The following PCDH11Y variants were observed in gnomAD, a reference collection of about 807,000 sequenced individuals.
PCDH11Y encodes protocadherin 11 Y-linked, also known as protocadherin-11 Y-linked.
For synonymous variants in PCDH11Y, 9 were observed against 83.6 expected (o/e 0.11, Z 4.87); for missense variants, 12 against 224.8 (o/e 0.05, Z 6.05).
At chrY:5,201,675 T>C in intron 2 of PCDH11Y, among the ~76,000 whole-genome samples, 1 of 33,692 alleles carries the variant, frequency 3.0e-5, no homozygotes. Context: ...TCTATTTAGA[T>C]ATAAGTTGCA....
intron 2 of PCDH11Y, among the ~76,000 whole-genome samples, chrY:5,350,160 G>T (rs1209853095): frequency 3.0e-5 from 1 of 32,916 alleles, no homozygotes; most frequent in Non-Finnish European, 7.5e-5. Context: ...ATAAATGTTT[G>T]CCCTTTTAAG....
At chrY:5,368,959 C>T (rs34035825) in intron 2 of PCDH11Y, among the ~76,000 whole-genome samples, 2 of 32,865 alleles carry the variant, frequency 6.1e-5, no homozygotes, top group Non-Finnish European at 1.5e-4. Context: ...TTTTTTTAGA[C>T]GATTTCTTCC....
At chrY:5,620,238 G>T in intron 4 of PCDH11Y, among the ~76,000 whole-genome samples, 1 of 30,893 alleles carries the variant, frequency 3.2e-5, no homozygotes, top group Non-Finnish European at 7.8e-5. Flanking sequence ...TGATCCCACA[G>T]AAATAAAAAC....
chrY:5,741,328 C>A (rs1602966389), exon 5 of PCDH11Y: 3 of 30,295 alleles, frequency 9.9e-5, no homozygotes, highest in Non-Finnish European at 2.4e-4. Context: ...GTCACACACA[C>A]AAAAAAATCC....
chrY:5,199,899 A>G (rs867204303), intron 2 of PCDH11Y, among the ~76,000 whole-genome samples: 2,402 of 33,577 alleles, frequency 0.072, no homozygotes, highest in Non-Finnish European at 0.11. Flanking sequence ...CACATGGATC[A>G]GGAGTTCAGT....
chrY:5,551,851 A>G, intron 3 of PCDH11Y, among the ~76,000 whole-genome samples: 1 of 33,106 alleles, frequency 3.0e-5, no homozygotes, highest in African/African-American at 1.2e-4. Flanking sequence ...TTCAGTCACC[A>G]TTGGATCTAC....
chrY:5,708,144 T>C (rs2053584214), intron 4 of PCDH11Y, among the ~76,000 whole-genome samples: 1 of 32,992 alleles, frequency 3.0e-5, no homozygotes, highest in African/African-American at 1.2e-4. Context: ...GAAAAGTATG[T>C]CTGGTTAAAA....
chrY:5,042,227 G>GT (rs2124623672), intron 3 of PCDH11Y, among the ~76,000 whole-genome samples: 1 of 23,749 alleles, frequency 4.2e-5, no homozygotes, highest in Non-Finnish European at 9.7e-5. Flanking sequence ...TTCTTCTAGG[G>GT]TTTTTATGGT....
intron 4 of PCDH11Y, among the ~76,000 whole-genome samples, chrY:5,646,779 A>C (rs113306384): frequency 0.11 from 3,584 of 32,482 alleles, no homozygotes; most frequent in Non-Finnish European, 0.19. Flanking sequence ...GTTATAACTT[A>C]TTTTAAAGCA....
chrY:5,437,679 A>T, intron 2 of PCDH11Y, among the ~76,000 whole-genome samples: 1 of 31,659 alleles, frequency 3.2e-5, no homozygotes, highest in African/African-American at 1.2e-4. Context: ...CTTTTTTTTT[A>T]ATTTAATTTA....
At chrY:5,193,533 T>C (rs1602883723) in intron 2 of PCDH11Y, among the ~76,000 whole-genome samples, 33 of 33,731 alleles carry the variant, frequency 9.8e-4, no homozygotes, top group Middle Eastern at 0.014. Context: ...CATGGAATTA[T>C]TGTTAATGTT....
intron 3 of PCDH11Y, among the ~76,000 whole-genome samples, chrY:5,538,240 G>T (rs2053402290): frequency 3.0e-5 from 1 of 33,759 alleles, no homozygotes; most frequent in African/African-American, 1.2e-4. Flanking sequence ...GAGCAAAGAA[G>T]TGGCATGATC....
intron 1 of PCDH11Y, among the ~76,000 whole-genome samples, chrY:5,087,374 G>T: frequency 3.3e-5 from 1 of 30,660 alleles, no homozygotes; most frequent in African/African-American, 1.3e-4. Flanking sequence ...GACCCCAAAA[G>T]CCCACTTGGT....
intron 4 of PCDH11Y, among the ~76,000 whole-genome samples, chrY:5,700,032 G>A: frequency 2.5e-4 from 8 of 32,011 alleles, no homozygotes; most frequent in Non-Finnish European, 3.8e-4. Flanking sequence ...GTCAGTCCCA[G>A]TGAGAGAACC....
At chrY:5,227,568 C>G (rs2052962203) in intron 2 of PCDH11Y, among the ~76,000 whole-genome samples, 27 of 34,009 alleles carry the variant, frequency 7.9e-4, no homozygotes, top group Admixed American at 2.6e-3. Flanking sequence ...ATGTATTAGT[C>G]TTTCATATAT....
intron 2 of PCDH11Y, among the ~76,000 whole-genome samples, chrY:5,385,400 G>C: frequency 3.3e-5 from 1 of 30,062 alleles, no homozygotes; most frequent in African/African-American, 1.3e-4. Context: ...TAGGATATTT[G>C]ATTTTCCATT....
At chrY:5,164,407 A>G in intron 2 of PCDH11Y, among the ~76,000 whole-genome samples, 2 of 32,327 alleles carry the variant, frequency 6.2e-5, no homozygotes. Flanking sequence ...TGATAAGTTA[A>G]AGGTATATAC....
intron 4 of PCDH11Y, among the ~76,000 whole-genome samples, chrY:5,630,742 AT>A: frequency 3.0e-5 from 1 of 32,865 alleles, no homozygotes; most frequent in East Asian, 8.1e-4. Context: ...GATTGTAGCT[AT>A]TGTTTTTATT....
intron 2 of PCDH11Y, among the ~76,000 whole-genome samples, chrY:5,380,680 G>A (rs2053204270): frequency 6.7e-5 from 2 of 29,749 alleles, no homozygotes; most frequent in Non-Finnish European, 1.6e-4. Flanking sequence ...TCCGCCGCCC[G>A]GGTTCAAGCC....
Sources: allele counts gnomAD v4.1 joint callset (sites outside exome capture counted in the v4.1 genomes callset), GRCh38; gene constraint gnomAD v4.1.1; transcripts MANE v1.5; gene names NCBI Gene and HGNC (gene_info 2026-07-23, HGNC 2026-07-21).